SLC9A6: variants seen among roughly 807,000 people sequenced by gnomAD.
SLC9A6 encodes sodium/hydrogen exchanger 6.
In SLC9A6, 6 loss-of-function variants were observed where a neutral mutation model predicts 45.3. The observed-to-expected ratio is 0.13, with a 90% confidence interval of 0.07 to 0.26. The LOEUF (loss-of-function observed/expected upper bound fraction) is 0.26, where lower values mean the gene tolerates loss of function less well. Among genes scored for constraint, SLC9A6 ranks in the 10% least tolerant of loss-of-function variants. The pLI is 1.00. For synonymous variants in SLC9A6, 191 were observed against 187.7 expected (o/e 1.02, Z -0.14); for missense variants, 278 against 503.7 (o/e 0.55, Z 4.29).
chrX:135,995,188 A>G (rs1424453491), intron 3 of SLC9A6, among the ~76,000 whole-genome samples: 1 of 112,520 alleles, frequency 8.9e-6, no homozygotes, highest in Non-Finnish European at 1.9e-5. Context: ...GTTAAGTAGT[A>G]TAACTCTTTT....
At chrX:136,031,441 T>C (rs1473855589) in intron 15 of SLC9A6, among the ~76,000 whole-genome samples, 1 of 112,403 alleles carries the variant, frequency 8.9e-6, no homozygotes, top group Non-Finnish European at 1.9e-5. Flanking sequence ...GGCTCACGCC[T>C]GTAATCCCAG....
intron 7 of SLC9A6, among the ~76,000 whole-genome samples, chrX:136,006,688 C>T (rs1321282745): frequency 4.6e-5 from 5 of 109,482 alleles, no homozygotes; most frequent in Non-Finnish European, 9.5e-5. Context: ...AATGGATTAC[C>T]GTGATTAGCC....
At chrX:136,000,899 C>T (rs782265943) in intron 6 of SLC9A6, among the ~76,000 whole-genome samples, 1 of 111,306 alleles carries the variant, frequency 9.0e-6, no homozygotes, top group South Asian at 3.8e-4. Context: ...GCAGGAGGAT[C>T]ACTTGAACCT....
intron 10 of SLC9A6, among the ~76,000 whole-genome samples, chrX:136,015,892 T>C (rs2071010123): frequency 9.0e-6 from 1 of 111,235 alleles, no homozygotes; most frequent in Non-Finnish European, 1.9e-5. Context: ...GGGCTCATTG[T>C]AGATAACTCT....
chrX:136,031,983 A>G (rs1556621193), intron 15 of SLC9A6, among the ~76,000 whole-genome samples: 1 of 112,570 alleles, frequency 8.9e-6, no homozygotes, highest in African/African-American at 3.2e-5. Context: ...AGCAGAGAGA[A>G]ATTTATTTTG....
At chrX:135,997,398 CTTTTTTTT>C (rs1180028983) in intron 3 of SLC9A6, among the ~76,000 whole-genome samples, 1,821 of 63,239 alleles carry the variant, frequency 0.029, 26 homozygotes, top group South Asian at 0.095. Context: ...CATGCTTTCT[CTTTTTTTT>C]TTTTTTTTTT....
intron 10 of SLC9A6, among the ~76,000 whole-genome samples, chrX:136,013,820 A>T (rs1376403381): frequency 1.8e-5 from 2 of 112,414 alleles, no homozygotes; most frequent in African/African-American, 6.5e-5. Context: ...AGACCTACTA[A>T]GAGATGACAT....
intron 2 of SLC9A6, among the ~76,000 whole-genome samples, chrX:135,988,416 TTCTC>T (rs377547034): frequency 2.7e-5 from 3 of 110,285 alleles, no homozygotes; most frequent in African/African-American, 9.9e-5. Context: ...GTTTCTTTCT[TTCTC>T]TCTCTTTCTT....
chrX:136,039,937 G>A, intron 16 of SLC9A6, 139 bp from the exon 17 acceptor site: 1 of 521,256 alleles, frequency 1.9e-6, no homozygotes, highest in Non-Finnish European at 3.5e-6. Flanking sequence ...ATCATGTGAG[G>A]AGGAAATGAG....
chrX:136,025,148 C>T (rs1416270930), intron 13 of SLC9A6, among the ~76,000 whole-genome samples: 1 of 112,532 alleles, frequency 8.9e-6, no homozygotes, highest in Non-Finnish European at 1.9e-5. Flanking sequence ...TAGATATTAT[C>T]ATTTTTCTCA....
chrX:136,037,224 G>T (rs2071425979), intron 16 of SLC9A6, among the ~76,000 whole-genome samples: 1 of 112,195 alleles, frequency 8.9e-6, no homozygotes, highest in Admixed American at 9.4e-5. Flanking sequence ...TTTAGAAACA[G>T]CTTGTCAATT....
chrX:136,039,680 A>C (rs1216171045), intron 16 of SLC9A6, among the ~76,000 whole-genome samples: 2 of 112,201 alleles, frequency 1.8e-5, no homozygotes, highest in Admixed American at 1.9e-4. Flanking sequence ...AACATTGTTT[A>C]CTTTCTCCCT....
In SLC9A6 at chrX:135,998,464, C is replaced by CTT. The variant is rs375038684; in HGVS notation, c.448-7_448-6dup. 0.059 allele frequency: 41,734 copies of CTT among 711,980 alleles called. 5 individuals carry two copies. Among genetic ancestry groups the CTT allele is most frequent in the Non-Finnish European group, 0.066 (34,179 of 521,072 alleles). 58.7% of individuals were successfully genotyped at this position (711,980 alleles called of 1,213,427 possible). A position where few individuals can be genotyped will look rare whatever the true frequency, so the allele number is the denominator to read the frequency against. On this transcript the variant is annotated splice_polypyrimidine_tract_variant and intron_variant, in intron 4 of 17. Coordinates refer to ENST00000630721, the MANE Select transcript of SLC9A6 (RefSeq NM_001379110.1). ...ACTGGTAAGTATTCTAACAGTGTAACTTTTTTTTTTTTGTCAGAGACATTT... is the reference window on the plus strand; with the variant it reads ...ACTGGTAAGTATTCTAACAGTGTAACTTTTTTTTTTTTTTGTCAGAGACATTT...
intron 16 of SLC9A6, among the ~76,000 whole-genome samples, chrX:136,039,241 G>A (rs1223913486): frequency 9.3e-6 from 1 of 107,513 alleles, no homozygotes; most frequent in African/African-American, 3.4e-5. Flanking sequence ...ATTGTGGCAC[G>A]TACCTGCTAT....
chrX:136,040,215 G>A (rs1285726095), intron 17 of SLC9A6, 34 bp downstream of exon 17: 20 of 1,045,081 alleles, frequency 1.9e-5, no homozygotes, highest in Non-Finnish European at 2.4e-5. Context: ...AAATTCTTCA[G>A]TAAGTTAAAT....
chrX:136,002,209 T>A lies in SLC9A6; in HGVS notation c.739T>A (p.Ser247Thr). Residue 247 changes from serine to threonine, a missense_variant, in exon 7 of 18, where the codon TCC (serine) becomes ACC (threonine). Physicochemically the swap from Ser to Thr is moderately conservative, Grantham distance 58. Coordinates refer to ENST00000630721, the MANE Select transcript of SLC9A6 (RefSeq NM_001379110.1). ...CAATGATGCTGTTGCCATAGTGCTG[T>A]CCTCGTAAGTGTTTGTTTTCTTATT... ...VLNDAVAIVL[S>T]SSIVAYQPAG... 1 of 1,159,525 alleles carries A rather than the reference T, an allele frequency of 8.6e-7. No individual in the cohort carries two copies. The highest frequency in any genetic ancestry group is 1.2e-6 in the Non-Finnish European group (1 of 847,782).
At chrX:136,003,248 C>G (rs1393032392) in intron 7 of SLC9A6, among the ~76,000 whole-genome samples, 1 of 111,085 alleles carries the variant, frequency 9.0e-6, no homozygotes, top group Non-Finnish European at 1.9e-5. Flanking sequence ...CTCGGCCTCC[C>G]AAAGTGCTGA....
chrX:136,029,868 A>G (rs1365400327), intron 14 of SLC9A6: 1 of 392,914 alleles, frequency 2.5e-6, no homozygotes, highest in Non-Finnish European at 4.5e-6. Context: ...TTCAGAGAAA[A>G]AAAATGCTGT....
chrX:136,024,939 G>A (rs947313014), intron 13 of SLC9A6, among the ~76,000 whole-genome samples: 7 of 111,933 alleles, frequency 6.3e-5, no homozygotes, highest in Admixed American at 3.8e-4. Context: ...CGTTAACGAT[G>A]TGAACATTCT....
Sources: allele counts gnomAD v4.1 joint callset (sites outside exome capture counted in the v4.1 genomes callset), GRCh38; gene constraint gnomAD v4.1.1; transcripts MANE v1.5; gene names NCBI Gene and HGNC (gene_info 2026-07-23, HGNC 2026-07-21).